SSBP2: variants seen among roughly 807,000 people sequenced by gnomAD.
SSBP2 encodes the protein single stranded DNA binding protein 2, also known as single-stranded DNA-binding protein 2.
Under a neutral mutation model 61.8 loss-of-function variants are expected in SSBP2, and 17 were observed. The observed-to-expected ratio is 0.28, with a 90% CI of 0.19 to 0.41. The LOEUF (loss-of-function observed/expected upper bound fraction) is 0.41. SSBP2 is among the 10% of genes least tolerant of loss of function. The pLI is 1.00. For synonymous variants in SSBP2, 139 were observed against 141.3 expected (o/e 0.98, Z 0.12); for missense variants, 310 against 458.7 (o/e 0.68, Z 2.96).
At chr5:81,469,696 C>T (rs142243254) in intron 8 of SSBP2, among the ~76,000 whole-genome samples, 11 of 151,812 alleles carry the variant, frequency 7.2e-5, no homozygotes, top group African/African-American at 2.7e-4. Flanking sequence ...CTGAATTGAC[C>T]CAGGAAATGA....
Position 81,650,342 on chromosome 5 carries a change from G to A in SSBP2, c.63-3C>T. On this transcript the variant is annotated splice_polypyrimidine_tract_variant and splice_region_variant and intron_variant, in intron 1 of 16. Coordinates refer to ENST00000320672, the MANE Select transcript of SSBP2 (RefSeq NM_012446.5). ...ATTCATATACGTAGAGTGCTAACCT[G>A]GAAAACAAATAAAATATTTATTGAG... 1 of 1,536,198 alleles carries A rather than the reference G, an allele frequency of 6.5e-7. No individual in the cohort carries two copies. The highest frequency in any genetic ancestry group is 8.8e-7 in the Non-Finnish European group (1 of 1,140,816).
intron 1 of SSBP2, among the ~76,000 whole-genome samples, chr5:81,716,036 G>A (rs1417492320): frequency 6.6e-6 from 1 of 151,440 alleles, no homozygotes; most frequent in African/African-American, 2.4e-5. Flanking sequence ...CAGCCTGGGT[G>A]ACAGAGTGAG....
At chr5:81,587,763 G>GCGCACACA (rs138057328) in intron 4 of SSBP2, among the ~76,000 whole-genome samples, 8 of 148,928 alleles carry the variant, frequency 5.4e-5, no homozygotes, top group South Asian at 2.1e-4. Context: ...ACACGCGCGC[G>GCGCACACA]CACACACACA....
chr5:81,538,571 A>G (rs1770996881), intron 4 of SSBP2, among the ~76,000 whole-genome samples: 1 of 152,234 alleles, frequency 6.6e-6, no homozygotes, highest in African/African-American at 2.4e-5. Context: ...TTTCATAGCT[A>G]AAGAGCAGAA....
chr5:81,541,983 A>G (rs1771308888), intron 4 of SSBP2, among the ~76,000 whole-genome samples: 2 of 152,192 alleles, frequency 1.3e-5, no homozygotes. Flanking sequence ...TAAACAACCA[A>G]CCTACAGAAT....
intron 4 of SSBP2, among the ~76,000 whole-genome samples, chr5:81,564,106 C>T (rs1278055735): frequency 6.6e-6 from 1 of 152,062 alleles, no homozygotes; most frequent in Non-Finnish European, 1.5e-5. Flanking sequence ...AGACATTTCT[C>T]CAAAGAAGAT....
chr5:81,583,402 G>A (rs184765767), intron 4 of SSBP2, among the ~76,000 whole-genome samples: 1 of 151,990 alleles, frequency 6.6e-6, no homozygotes, highest in African/African-American at 2.4e-5. Context: ...GGCCAAGGCG[G>A]GCAGATCACA....
chr5:81,708,985 A>C (rs1419102593), intron 1 of SSBP2, among the ~76,000 whole-genome samples: 2 of 152,020 alleles, frequency 1.3e-5, no homozygotes, highest in East Asian at 3.8e-4. Context: ...ATCTATGTTG[A>C]ATATAGGCTA....
chr5:81,504,442 ACT>A (rs1166374687), intron 5 of SSBP2, among the ~76,000 whole-genome samples: 3 of 152,152 alleles, frequency 2.0e-5, no homozygotes, highest in Admixed American at 2.0e-4. Flanking sequence ...CTGATGCTCT[ACT>A]TTATCTAGCC....
At chr5:81,514,633 G>T (rs772991089) in intron 4 of SSBP2, among the ~76,000 whole-genome samples, 15 of 151,916 alleles carry the variant, frequency 9.9e-5, no homozygotes, top group Non-Finnish European at 1.9e-4. Context: ...GCTATGATGA[G>T]AAATCAAAGC....
At chr5:81,653,493 T>G (rs1327630057) in intron 1 of SSBP2, among the ~76,000 whole-genome samples, 1 of 152,198 alleles carries the variant, frequency 6.6e-6, no homozygotes. Flanking sequence ...AAATGGTATT[T>G]CCAGTTCCAG....
chr5:81,581,046 G>A (rs969379024), intron 4 of SSBP2, among the ~76,000 whole-genome samples: 3 of 152,122 alleles, frequency 2.0e-5, no homozygotes, highest in Non-Finnish European at 2.9e-5. Flanking sequence ...TTACGTAAAA[G>A]TGCAGGTTTC....
chr5:81,638,076 G>T (rs1176687077), intron 2 of SSBP2, among the ~76,000 whole-genome samples: 1 of 145,694 alleles, frequency 6.9e-6, no homozygotes, highest in Admixed American at 7.0e-5. Flanking sequence ...ACACAGGAAG[G>T]GGAAAATCAC....
rs1761441986 is a variant in SSBP2, at chr5:81,418,946, G to C, written c.*1558C>G. On this transcript the variant is annotated 3_prime_UTR_variant, in exon 17 of 17. Transcript: ENST00000320672. ...AACAATGCTTTTCAAAGTCTCTAGA[G>C]TTTGGATTCATAGTTGGTATTTATC... 2.0e-5 allele frequency: 3 copies of C among 152,264 alleles called. No individual in the cohort carries two copies. Among genetic ancestry groups the C allele is most frequent in the African/African-American group, 7.2e-5 (3 of 41,558 alleles). The allele number at this position is 152,264 out of a possible 1,614,324, so 9.4% of individuals were successfully genotyped here. A position where few individuals can be genotyped will look rare whatever the true frequency, so the allele number is the denominator to read the frequency against.
At chr5:81,701,521 T>C (rs2153887400) in intron 1 of SSBP2, among the ~76,000 whole-genome samples, 1 of 152,308 alleles carries the variant, frequency 6.6e-6, no homozygotes, top group Non-Finnish European at 1.5e-5. Flanking sequence ...AAAAATAATA[T>C]TGTCTACTGA....
At chr5:81,440,459 T>C in intron 14 of SSBP2, 99 bp downstream of exon 14, 1 of 920,754 alleles carries the variant, frequency 1.1e-6, no homozygotes, top group Non-Finnish European at 1.7e-6. Context: ...TAAAAATGAG[T>C]AGCTGGCTAT....
At chr5:81,701,232 C>T (rs187855500) in intron 1 of SSBP2, among the ~76,000 whole-genome samples, 5 of 152,234 alleles carry the variant, frequency 3.3e-5, no homozygotes, top group African/African-American at 1.2e-4. Context: ...AGATGGGAAA[C>T]AGCTGTTTGG....
intron 9 of SSBP2, among the ~76,000 whole-genome samples, chr5:81,463,109 T>C (rs561300657): frequency 4.7e-4 from 72 of 152,194 alleles, no homozygotes; most frequent in Middle Eastern, 3.4e-3. Flanking sequence ...AAGTGTTTCA[T>C]AATAAATTTC....
At chr5:81,515,783 G>T (rs1041906001) in intron 4 of SSBP2, among the ~76,000 whole-genome samples, 1 of 150,604 alleles carries the variant, frequency 6.6e-6, no homozygotes, top group Admixed American at 6.6e-5. Flanking sequence ...TGTTTCCTGG[G>T]TTTTTTTTCT....
Sources: allele counts gnomAD v4.1 joint callset (sites outside exome capture counted in the v4.1 genomes callset), GRCh38; gene constraint gnomAD v4.1.1; transcripts MANE v1.5; gene names NCBI Gene and HGNC (gene_info 2026-07-23, HGNC 2026-07-21).